The following TAF1 variants were observed in gnomAD, a reference collection of about 807,000 sequenced individuals.
TAF1 encodes the protein transcription initiation factor TFIID subunit 1.
TAF1 carries 2 observed loss-of-function variants against 138.5 expected under a neutral mutation model. The ratio of observed to expected loss-of-function variants is 0.01; its 90% confidence interval spans 0.01 to 0.05. The LOEUF is 0.05. TAF1 is among the 10% of genes least tolerant of loss of function. TAF1 has a pLI of 1.00. For synonymous variants in TAF1, 437 were observed against 503.2 expected, an observed-to-expected ratio of 0.87 and a Z score of 1.76; for missense variants, 709 against 1,478.0, an observed-to-expected ratio of 0.48 and a Z score of 8.53.
At chrX:71,375,624 TTTAA>T (rs1295148992) in intron 4 of TAF1, among the ~76,000 whole-genome samples, 3 of 111,567 alleles carry the variant, frequency 2.7e-5, no homozygotes, top group Non-Finnish European at 5.6e-5. Context: ...AGTCCAGGAA[TTTAA>T]TTAAATTAAT....
intron 8 of TAF1, among the ~76,000 whole-genome samples, chrX:71,380,231 C>G (rs781394899): frequency 4.6e-5 from 5 of 109,698 alleles, no homozygotes; most frequent in Admixed American, 2.9e-4. Flanking sequence ...TTTTATTTTT[C>G]ATTGTTGAGA....
At chrX:71,415,157 T>TG (rs1427208559) in intron 28 of TAF1, among the ~76,000 whole-genome samples, 4 of 64,135 alleles carry the variant, frequency 6.2e-5, no homozygotes, top group African/African-American at 2.4e-4. Context: ...TTTTTTTTTT[T>TG]GGCAGAGTCT....
intron 1 of TAF1, 76 bp downstream of exon 1, chrX:71,366,570 A>C: frequency 1.0e-6 from 1 of 994,303 alleles, no homozygotes; most frequent in African/African-American, 1.9e-5. Flanking sequence ...AGGAAAGGAG[A>C]GGGTGCTCAG....
At chrX:71,505,281 A>G (rs969020833) in intron 13 of TAF1, among the ~76,000 whole-genome samples, 2 of 111,611 alleles carry the variant, frequency 1.8e-5, no homozygotes, top group East Asian at 2.8e-4. Context: ...CTCAAGGAGG[A>G]GGAGCATTAC....
intron 13 of TAF1, among the ~76,000 whole-genome samples, chrX:71,526,917 A>T (rs2040007213): frequency 9.3e-6 from 1 of 107,620 alleles, no homozygotes; most frequent in African/African-American, 3.4e-5. Flanking sequence ...AAAAAAAAAA[A>T]AAAAATTAGC....
At chrX:71,406,126 C>T (rs1341840401) in intron 25 of TAF1, among the ~76,000 whole-genome samples, 1 of 109,187 alleles carries the variant, frequency 9.2e-6, no homozygotes, top group African/African-American at 3.3e-5. Flanking sequence ...GTCAGGAGTT[C>T]GAGACCCGCC....
At chrX:71,366,864 G>C (rs1196948824) in intron 1 of TAF1, among the ~76,000 whole-genome samples, 2 of 111,464 alleles carry the variant, frequency 1.8e-5, no homozygotes, top group African/African-American at 6.5e-5. Flanking sequence ...GCCCTGAGAT[G>C]GCTCTATAGA....
chrX:71,378,115 A>G (rs2033614470), intron 6 of TAF1, 120 bp from the exon 7 acceptor site: 3 of 723,371 alleles, frequency 4.1e-6, no homozygotes, highest in Non-Finnish European at 6.1e-6. Context: ...TTTACATTCT[A>G]ACTCCAGGTA....
At chrX:71,523,180 CAAAAAAAAAAAA>C (rs754302629) in intron 13 of TAF1, among the ~76,000 whole-genome samples, 2 of 15,374 alleles carry the variant, frequency 1.3e-4, no homozygotes, top group African/African-American at 3.9e-4. Context: ...GACTCCCTCT[CAAAAAAAAAAAA>C]AAAAAAAAAA....
chrX:71,454,290 C>G (rs987407964), intron 33 of TAF1, 53 bp downstream of exon 33: 32 of 1,090,279 alleles, frequency 2.9e-5, no homozygotes, highest in Non-Finnish European at 3.9e-5. Flanking sequence ...GAGACCCCAT[C>G]TTTACAAAAA....
intron 13 of TAF1, among the ~76,000 whole-genome samples, chrX:71,508,086 C>CTCTATATATATATATATATA (rs4040068): frequency 1.1e-5 from 1 of 92,181 alleles, no homozygotes; most frequent in African/African-American, 4.3e-5. Flanking sequence ...CTCTCTCTCT[C>CTCTATATATATATATATATA]TATATATATA....
At chrX:71,382,215 CAGTT>C (rs1459637989) in intron 9 of TAF1, among the ~76,000 whole-genome samples, 2 of 111,623 alleles carry the variant, frequency 1.8e-5, no homozygotes, top group Non-Finnish European at 1.9e-5. Context: ...AAAATTGTGG[CAGTT>C]AGTTTTTATT....
At chrX:71,449,945 A>G (rs756050203) in intron 32 of TAF1, among the ~76,000 whole-genome samples, 1 of 110,398 alleles carries the variant, frequency 9.1e-6, no homozygotes, top group East Asian at 2.8e-4. Flanking sequence ...GCTAATTTTT[A>G]CGTTATTTGT....
At chrX:71,442,324 C>A in intron 32 of TAF1, among the ~76,000 whole-genome samples, 1 of 112,066 alleles carries the variant, frequency 8.9e-6, no homozygotes, top group Admixed American at 9.5e-5. Flanking sequence ...CTTTCCAGCA[C>A]CTGTTGTTTC....
chrX:71,473,827 G>A (rs2038932585), intron 13 of TAF1, among the ~76,000 whole-genome samples: 1 of 111,134 alleles, frequency 9.0e-6, no homozygotes, highest in Admixed American at 9.7e-5. Context: ...TTGGGGAAAG[G>A]TGAAGAAGGC....
intron 32 of TAF1, among the ~76,000 whole-genome samples, chrX:71,427,552 A>G (rs1569336385): frequency 8.9e-6 from 1 of 112,240 alleles, no homozygotes; most frequent in African/African-American, 3.2e-5. Flanking sequence ...TACTAATAAA[A>G]AAGTAAGCAG....
intron 35 of TAF1, among the ~76,000 whole-genome samples, chrX:71,458,983 AAAG>A (rs1315109751): frequency 9.0e-6 from 1 of 111,270 alleles, no homozygotes; most frequent in African/African-American, 3.3e-5. Flanking sequence ...TGTGATTTCC[AAAG>A]AATGGGGGAA....
chrX:71,426,545 G>A (rs1023981605), intron 32 of TAF1, among the ~76,000 whole-genome samples: 11 of 110,724 alleles, frequency 9.9e-5, no homozygotes, highest in Non-Finnish European at 1.5e-4. Flanking sequence ...GAGAAACCCC[G>A]TCTCTACTAA....
At chrX:71,487,850 C>T (rs2039201262) in intron 13 of TAF1, among the ~76,000 whole-genome samples, 1 of 111,574 alleles carries the variant, frequency 9.0e-6, no homozygotes, top group South Asian at 3.7e-4. Context: ...CATTTTCCTG[C>T]TTCTTTGCTT....
Sources: allele counts gnomAD v4.1 joint callset (sites outside exome capture counted in the v4.1 genomes callset), GRCh38; gene constraint gnomAD v4.1.1; transcripts MANE v1.5; gene names NCBI Gene and HGNC (gene_info 2026-07-23, HGNC 2026-07-21).